UGT1A10: variants seen among roughly 807,000 people sequenced by gnomAD.
The protein encoded by UGT1A10 is UDP-glucuronosyltransferase 1A10.
UGT1A10 carries 49 observed loss-of-function variants against 45.8 expected under a neutral mutation model. That is an observed-to-expected ratio of 1.07 (90% CI 0.85 to 1.36). The LOEUF (loss-of-function observed/expected upper bound fraction) is 1.36. Among genes scored for constraint, UGT1A10 ranks in the 40% most tolerant of loss-of-function variants. The pLI is 0.00. For missense variants in UGT1A10, 745 were observed against 668.6 expected (o/e 1.11, Z -1.26); for synonymous variants, 284 against 249.7 (o/e 1.14, Z -1.29).
intron 1 of UGT1A10, among the ~76,000 whole-genome samples, chr2:233,643,739 C>G (rs1393781138): frequency 6.6e-6 from 1 of 152,142 alleles, no homozygotes; most frequent in Non-Finnish European, 1.5e-5. Flanking sequence ...TATTCAGGTT[C>G]CAAGGTCTCT....
rs932840161 is a variant in UGT1A10, at chr2:233,740,624, G to A, written c.856-26410G>A. ...TCTCCAGGTCTCTTGGGGCTCACAG[G>A]GTCATGCCTTTCCTTGCCCAGTGTA... On this transcript the variant is annotated intron_variant, in intron 1 of 4. Coordinates refer to ENST00000344644, the MANE Select transcript of UGT1A10 (RefSeq NM_019075.4). 1.3e-5 allele frequency: 2 copies of A among 151,796 alleles called. 1 individual carries two copies. Among genetic ancestry groups the A allele is most frequent in the African/African-American group, 4.9e-5 (2 of 41,062 alleles). 9.4% of individuals were successfully genotyped at this position (151,796 alleles called of 1,614,324 possible).
intron 1 of UGT1A10, chr2:233,681,911 C>A: frequency 3.1e-6 from 5 of 1,599,730 alleles, no homozygotes; most frequent in Non-Finnish European, 4.3e-6. Context: ...AGAATCCCAG[C>A]TGCTGGCTCT....
chr2:233,701,219 C>T (rs2075617264), intron 1 of UGT1A10, among the ~76,000 whole-genome samples: 1 of 152,076 alleles, frequency 6.6e-6, no homozygotes, highest in Non-Finnish European at 1.5e-5. Flanking sequence ...ATTTATAATC[C>T]TTTGGGTATA....
chr2:233,760,825 G>C lies in UGT1A10; in HGVS notation c.856-6209G>C, dbSNP rs1657628450. The C allele has an allele frequency of 2.5e-6, 4 of 1,613,330 alleles. No homozygotes were observed. The Admixed American group carries it at 5.0e-5, about 20-fold the overall frequency. On this transcript the variant is annotated intron_variant, in intron 1 of 4. Coordinates refer to ENST00000344644, the MANE Select transcript of UGT1A10 (RefSeq NM_019075.4). ...CTTGCATGCACTGCCATGCAGCCTG[G>C]AATTTGAGGCTACCCAGTGCCCCAA...
intron 1 of UGT1A10, among the ~76,000 whole-genome samples, chr2:233,668,505 C>G (rs1176836805): frequency 2.6e-5 from 4 of 152,074 alleles, no homozygotes; most frequent in Non-Finnish European, 1.5e-5. Context: ...GAATAGTGCC[C>G]CAATAAACAT....
chr2:233,760,233 CATAT>C (rs3064744), intron 1 of UGT1A10: 2 of 1,510,040 alleles, frequency 1.3e-6, no homozygotes, highest in African/African-American at 1.4e-5. Context: ...TGGTTTTTGC[CATAT>C]ATATATATAT....
At chr2:233,671,049 A>G (rs1452274402) in intron 1 of UGT1A10, among the ~76,000 whole-genome samples, 2 of 152,202 alleles carry the variant, frequency 1.3e-5, no homozygotes, top group African/African-American at 4.8e-5. Flanking sequence ...AAGGCATAGC[A>G]TGGGTACTGT....
At position 233,769,202 on chromosome 2, in the gene UGT1A10, CACAG is replaced by C. The variant is rs1699813403; in HGVS notation, c.1295+767_1295+770del. Among the ~76,000 whole-genome samples the C allele has an allele frequency of 6.6e-6, 1 of 152,204 alleles. No homozygotes were observed. Among genetic ancestry groups the C allele is most frequent in the African/African-American group, 2.4e-5 (1 of 41,446 alleles). On this transcript the variant is annotated intron_variant, in intron 4 of 4. Coordinates refer to ENST00000344644, the MANE Select transcript of UGT1A10 (RefSeq NM_019075.4). The surrounding 1 kb of genome is among the most constrained non-coding windows in gnomAD (Gnocchi z 4.4). ...TATGAATGAAGGAGCTATAAGATAT[CACAG>C]ACAAAGTCTTAGAATAAGAGCAAAG...
At chr2:233,767,790 T>C in intron 2 of UGT1A10, 59 bp from the exon 3 acceptor site, 1 of 1,614,008 alleles carries the variant, frequency 6.2e-7, no homozygotes, top group Non-Finnish European at 8.5e-7. Flanking sequence ...GTATAGCAGA[T>C]TTGTTTTCTA....
At chr2:233,754,752 G>A in intron 1 of UGT1A10, 4 of 831,436 alleles carry the variant, frequency 4.8e-6, no homozygotes, top group Non-Finnish European at 7.2e-6. Context: ...GCAGAAGGAA[G>A]AAAGGCCCCC....
At chr2:233,749,503 T>C (rs1362784067) in intron 1 of UGT1A10, among the ~76,000 whole-genome samples, 2 of 151,872 alleles carry the variant, frequency 1.3e-5, no homozygotes, top group African/African-American at 2.4e-5. Flanking sequence ...CTTAGAGAAT[T>C]AGAGAACACT....
At chr2:233,643,547 C>T (rs762854117) in intron 1 of UGT1A10, among the ~76,000 whole-genome samples, 2 of 152,106 alleles carry the variant, frequency 1.3e-5, no homozygotes, top group Non-Finnish European at 2.9e-5. Flanking sequence ...TATCCCCCTG[C>T]AGCAGTGTTG....
intron 1 of UGT1A10, chr2:233,729,178 C>A (rs763464670): frequency 7.3e-5 from 117 of 1,613,756 alleles, no homozygotes; most frequent in Non-Finnish European, 9.8e-5. Context: ...AGGACTGCTG[C>A]TTCTCCTCAG....
rs367615925 is a variant in UGT1A10 at position 233,654,896 on chromosome 2, A to G, written c.855+17519A>G. On this transcript the variant is annotated intron_variant, in intron 1 of 4. Coordinates refer to ENST00000344644, the MANE Select transcript of UGT1A10 (RefSeq NM_019075.4). ...CACCTGAGGTCAGGAGTTCGAGATC[A>G]GTCTGGCCAACATGGCAAAACCCCG... 2.6e-5 allele frequency among the ~76,000 whole-genome samples: 4 copies of G among 152,334 alleles called. No individual in the cohort carries two copies. The East Asian group carries it at 7.7e-4, about 29-fold the overall frequency.
chr2:233,673,605 T>C (rs1369916694), intron 1 of UGT1A10, among the ~76,000 whole-genome samples: 2 of 152,216 alleles, frequency 1.3e-5, no homozygotes, highest in Non-Finnish European at 2.9e-5. Context: ...TCACTATTTA[T>C]TCAGATCTTG....
At chr2:233,755,840 T>G (rs557934522) in intron 1 of UGT1A10, 1 of 152,356 alleles carries the variant, frequency 6.6e-6, no homozygotes, top group Admixed American at 6.5e-5. Flanking sequence ...ATTGGGCAAT[T>G]TAAGAAGAAT....
At chr2:233,697,371 T>C (rs1038271148) in intron 1 of UGT1A10, among the ~76,000 whole-genome samples, 9 of 152,090 alleles carry the variant, frequency 5.9e-5, no homozygotes, top group Non-Finnish European at 1.0e-4. Context: ...GCATATAGAG[T>C]TCACAATAAT....
rs747062491 is a variant in UGT1A10 at position 233,767,878 on chromosome 2, A to T, written c.1017A>T (p.Pro339=). The change falls in exon 3 of 5, where the codon CCA becomes CCT. Residue 339 remains proline, a synonymous_variant. Coordinates refer to ENST00000344644, the MANE Select transcript of UGT1A10 (RefSeq NM_019075.4). ...TGTGGCGGTACACTGGAACCCGACC[A>T]TCGAATCTTGCGAACAACACGATAC... ...TVLWRYTGTR[P]SNLANNTILV... The T allele has an allele frequency of 2.0e-4, 328 of 1,614,032 alleles. No individual in the cohort carries two copies. Among genetic ancestry groups the T allele is most frequent in the Non-Finnish European group, 2.7e-4 (318 of 1,180,042 alleles).
intron 1 of UGT1A10, chr2:233,693,016 C>CCTTCG (rs767644326): frequency 1.4e-5 from 23 of 1,613,998 alleles, no homozygotes; most frequent in Non-Finnish European, 1.8e-5. Flanking sequence ...TGGCCTGCCT[C>CCTTCG]CTTCGCTCAT....
Sources: allele counts gnomAD v4.1 joint callset (sites outside exome capture counted in the v4.1 genomes callset), GRCh38; gene constraint gnomAD v4.1.1; non-coding constraint Gnocchi (gnomAD v3.1); transcripts MANE v1.5; gene names NCBI Gene and HGNC (gene_info 2026-07-23, HGNC 2026-07-21).